TUBA4B: variants seen among roughly 807,000 people sequenced by gnomAD.
The protein encoded by TUBA4B is tubulin alpha 4b, also known as tubulin-like protein alpha-4B.
A neutral mutation model predicts 18.4 loss-of-function variants in TUBA4B; 13 were observed. That is an observed-to-expected ratio of 0.71 (90% confidence interval 0.46 to 1.12). The LOEUF (loss-of-function observed/expected upper bound fraction) is 1.12. Ranked by LOEUF, TUBA4B falls within the 50% of genes most tolerant of loss-of-function variation. TUBA4B has a pLI of 0.00. For synonymous variants in TUBA4B, 101 were observed against 99.1 expected (o/e 1.02, Z -0.11); for missense variants, 244 against 250.0 (o/e 0.98, Z 0.16).
chr2:219,261,952 T>A (rs1178590973), intron 1 of TUBA4B, among the ~76,000 whole-genome samples: 2 of 152,198 alleles, frequency 1.3e-5, no homozygotes, highest in East Asian at 3.8e-4. Context: ...TATTATTCTG[T>A]CTGTCTGGAG....
chr2:219,257,419 G>A lies in TUBA4B; in HGVS notation c.12+4000G>A, dbSNP rs891438981. Among the ~76,000 whole-genome samples, 19 of 147,748 alleles carry A rather than the reference G, an allele frequency of 1.3e-4. 2 individuals are homozygous for A. Among genetic ancestry groups the A allele is most frequent in the African/African-American group, 4.7e-4 (19 of 40,064 alleles). On this transcript the variant is annotated intron_variant, in intron 1 of 3. Transcript: ENST00000490341. ...GCACTTTGGGAGGCCGAGGCAGGTG[G>A]ATCACGAGGTCAGAAGTTCAAGACC... is the stretch of plus-strand genomic sequence containing the variant.
chr2:219,253,463 G>T, intron 1 of TUBA4B, 44 bp downstream of exon 1: 1 of 1,426,374 alleles, frequency 7.0e-7, no homozygotes, highest in Non-Finnish European at 9.6e-7. Flanking sequence ...CACGTGCTCG[G>T]TCAGTGCTGA....
chr2:219,266,892 C>T (rs187885083), intron 2 of TUBA4B, among the ~76,000 whole-genome samples: 120 of 152,200 alleles, frequency 7.9e-4, no homozygotes, highest in Non-Finnish European at 1.3e-3. Flanking sequence ...AAAGTGTAGG[C>T]GATTTCCTCT....
At position 219,268,117 on chromosome 2, in the gene TUBA4B, T is replaced by G. The variant is rs569908758; in HGVS notation, c.58+1551T>G. 3.1e-4 allele frequency among the ~76,000 whole-genome samples: 46 copies of G among 149,800 alleles called. 2 individuals carry two copies. On this transcript the variant is annotated intron_variant, in intron 2 of 3. Coordinates refer to ENST00000490341, the MANE Select transcript of TUBA4B (RefSeq NM_001355221.1). Reference sequence around the variant, plus strand: ...CTCAACTCATTATCTTTTTTTTTTTTTTTTTTTTTGAGATGGAGTCTCACT... The same window carrying G: ...CTCAACTCATTATCTTTTTTTTTTTGTTTTTTTTTGAGATGGAGTCTCACT...
At chr2:219,258,324 T>G (rs1951736559) in intron 1 of TUBA4B, among the ~76,000 whole-genome samples, 1 of 151,762 alleles carries the variant, frequency 6.6e-6, no homozygotes, top group Admixed American at 6.6e-5. Flanking sequence ...TTTGTGTTTG[T>G]TTTTGTTTTT....
At chr2:219,266,872 A>G (rs1951793614) in intron 2 of TUBA4B, among the ~76,000 whole-genome samples, 2 of 152,106 alleles carry the variant, frequency 1.3e-5, no homozygotes, top group Non-Finnish European at 2.9e-5. Context: ...GGGAAGCAGG[A>G]CTTGAGCAGA....
At chr2:219,257,043 CTTTTTT>C (rs368841707) in intron 1 of TUBA4B, among the ~76,000 whole-genome samples, 5 of 107,586 alleles carry the variant, frequency 4.6e-5, no homozygotes, top group African/African-American at 1.4e-4. Context: ...CCCATTTTGG[CTTTTTT>C]TTTTTTTTTT....
chr2:219,253,690 G>A (rs1332829606), intron 1 of TUBA4B, among the ~76,000 whole-genome samples: 1 of 152,188 alleles, frequency 6.6e-6, no homozygotes, highest in Non-Finnish European at 1.5e-5. Context: ...TATACGGCTC[G>A]GCCAAAGTCA....
intron 1 of TUBA4B, among the ~76,000 whole-genome samples, chr2:219,264,912 G>A (rs1425566834): frequency 6.6e-6 from 1 of 152,238 alleles, no homozygotes; most frequent in East Asian, 1.9e-4. Flanking sequence ...CGAAACATCA[G>A]TCAGCATGGT....
At position 219,260,446 on chromosome 2, in the gene TUBA4B, A is replaced by G. The variant is rs115145659; in HGVS notation, c.13-6075A>G. ...TAGGATAAAAAGAAATGAATGTCAT[A>G]TATATGCTGACGACTCAAATTTATA... On this transcript the variant is annotated intron_variant, in intron 1 of 3. Transcript: ENST00000490341. Among the ~76,000 whole-genome samples, 447 of 152,350 alleles carry G rather than the reference A, an allele frequency of 2.9e-3. 3 individuals carry two copies. Among genetic ancestry groups the G allele is most frequent in the Non-Finnish European group, 4.6e-3 (311 of 68,032 alleles).
intron 1 of TUBA4B, among the ~76,000 whole-genome samples, chr2:219,258,060 C>T (rs1951733617): frequency 6.9e-6 from 1 of 145,488 alleles, no homozygotes; most frequent in African/African-American, 2.6e-5. Flanking sequence ...GATCTCAGCT[C>T]ACAGTGCAAT....
intron 1 of TUBA4B, chr2:219,253,830 C>T (rs753837141): frequency 1.3e-6 from 2 of 1,521,198 alleles, no homozygotes; most frequent in Middle Eastern, 1.7e-4. Flanking sequence ...AGGGGACAGG[C>T]GCGACCCCGG....
chr2:219,266,540 C>G lies in TUBA4B; in HGVS notation c.32C>G (p.Pro11Arg). The G allele has an allele frequency of 1.4e-6, 1 of 703,006 alleles. No homozygotes were observed. Among genetic ancestry groups the G allele is most frequent in the Non-Finnish European group, 2.6e-6 (1 of 384,994 alleles). 43.5% of individuals were successfully genotyped at this position (703,006 alleles called of 1,614,324 possible). Residue 11 changes from proline to arginine, a missense_variant, in exon 2 of 4, where the codon CCC becomes CGC. Coordinates refer to ENST00000490341, the MANE Select transcript of TUBA4B (RefSeq NM_001355221.1). ...CTGCAGCAGACAGAGAGACAAGACC[C>G]CAGCCAGCCCCTGTCCAGGCAGCAT... MRHQQTERQDPSQPLSRQHGT... is the reference protein window; with the variant it reads MRHQQTERQDRSQPLSRQHGT...
intron 2 of TUBA4B, among the ~76,000 whole-genome samples, chr2:219,268,105 CTTTTTTTTTT>C (rs544596055): frequency 8.4e-6 from 1 of 118,724 alleles, no homozygotes; most frequent in Non-Finnish European, 1.7e-5. Flanking sequence ...AACTCATTAT[CTTTTTTTTTT>C]TTTTTTTTTT....
At chr2:219,270,869 C>G (rs1468500751) in intron 3 of TUBA4B, among the ~76,000 whole-genome samples, 1 of 151,938 alleles carries the variant, frequency 6.6e-6, no homozygotes, top group Admixed American at 6.6e-5. Flanking sequence ...TGAGGGAGCC[C>G]TGGAGTCCTG....
intron 1 of TUBA4B, among the ~76,000 whole-genome samples, chr2:219,260,311 T>TA (rs1301813933): frequency 6.6e-6 from 1 of 152,184 alleles, no homozygotes; most frequent in Non-Finnish European, 1.5e-5. Context: ...ATATTCATCA[T>TA]AAAAAGTTAT....
At chr2:219,261,263 A>G (rs1559280224) in intron 1 of TUBA4B, among the ~76,000 whole-genome samples, 1 of 152,208 alleles carries the variant, frequency 6.6e-6, no homozygotes, top group Non-Finnish European at 1.5e-5. Flanking sequence ...CACAAGATAC[A>G]GCAGCTCTAA....
chr2:219,270,367 G>T (rs1220810132), intron 3 of TUBA4B, 32 bp downstream of exon 3: 3 of 707,570 alleles, frequency 4.2e-6, no homozygotes, highest in Non-Finnish European at 7.8e-6. Flanking sequence ...GGGGCAGGGG[G>T]AATGAATCTG....
rs1559282295 is a variant in TUBA4B at position 219,270,253 on chromosome 2, A to T, written c.110A>T (p.Asp37Val). 2.6e-6 allele frequency: 2 copies of T among 770,154 alleles called. No individual in the cohort carries two copies. Among genetic ancestry groups the T allele is most frequent in the African/African-American group, 1.7e-5 (1 of 59,044 alleles). 47.7% of individuals were successfully genotyped at this position (770,154 alleles called of 1,614,324 possible). A position where few individuals can be genotyped will look rare whatever the true frequency, so the allele number is the denominator to read the frequency against. Residue 37 changes from aspartate to valine, a missense_variant, in exon 3 of 4, where the codon GAT (aspartate) becomes GTT (valine). Coordinates refer to ENST00000490341, the MANE Select transcript of TUBA4B (RefSeq NM_001355221.1). ...HPEQLITGKE[D>V]AANNYAWGHY... ...GAGCAGCTCATCACAGGCAAGGAAG[A>T]TGCTGCCAATAACTATGCCTGGGGC... is the stretch of plus-strand genomic sequence containing the variant.
Sources: gnomAD v4.1 joint callset for allele counts (sites outside exome capture counted in the v4.1 genomes callset) on GRCh38, gnomAD v4.1.1 for gene constraint, MANE v1.5 for transcripts, NCBI Gene and HGNC (gene_info 2026-07-23, HGNC 2026-07-21) for gene names.